The following FAM13A variants were observed in gnomAD, a reference collection of about 807,000 sequenced individuals.
FAM13A encodes the protein family with sequence similarity 13 member A, also known as protein FAM13A.
A neutral mutation model predicts 129.6 loss-of-function variants in FAM13A; 76 were observed. The ratio of observed to expected loss-of-function variants is 0.59; its 90% CI spans 0.49 to 0.71. The LOEUF (loss-of-function observed/expected upper bound fraction) is 0.71, where lower values mean the gene tolerates loss of function less well. FAM13A is among the 30% of genes least tolerant of loss of function. The pLI is 0.00. For synonymous variants in FAM13A, 443 were observed against 449.9 expected (o/e 0.98, Z 0.20); for missense variants, 1,108 against 1,249.3 (o/e 0.89, Z 1.70).
At chr4:89,013,559 T>C (rs1053133903) in intron 3 of FAM13A, among the ~76,000 whole-genome samples, 4 of 152,062 alleles carry the variant, frequency 2.6e-5, no homozygotes, top group African/African-American at 9.7e-5. Context: ...TATGGTCCTA[T>C]AAGATTATAA....
At chr4:88,794,543 G>A (rs1725779618) in intron 8 of FAM13A, among the ~76,000 whole-genome samples, 1 of 151,718 alleles carries the variant, frequency 6.6e-6, no homozygotes, top group African/African-American at 2.4e-5. Context: ...TTAAAAAGAG[G>A]TTTCAAATCT....
At chr4:88,843,690 T>C (rs1055357259) in intron 7 of FAM13A, among the ~76,000 whole-genome samples, 1 of 152,252 alleles carries the variant, frequency 6.6e-6, no homozygotes, top group Non-Finnish European at 1.5e-5. Flanking sequence ...TCTCATGAAA[T>C]GCACTATTGT....
intron 6 of FAM13A, among the ~76,000 whole-genome samples, chr4:88,866,103 A>G (rs1283437209): frequency 6.6e-6 from 1 of 151,040 alleles, no homozygotes; most frequent in African/African-American, 2.4e-5. Flanking sequence ...GCTGGAGTGT[A>G]ATGGCATGAT....
At position 89,024,582 on chromosome 4, in the gene FAM13A, A is replaced by G. The variant is rs115566558; in HGVS notation, c.218-3913T>C. Among the ~76,000 whole-genome samples, 1,028 of 152,310 alleles carry G rather than the reference A, an allele frequency of 6.7e-3. 15 individuals carry two copies. Among genetic ancestry groups the G allele is most frequent in the African/African-American group, 0.024 (977 of 41,568 alleles). On this transcript the variant is annotated intron_variant, in intron 2 of 23. Transcript: ENST00000264344. ...CTATGATTGAATTACATGAATGGTC[A>G]CCCCTATAGTCCCATTTCCATGCCT...
chr4:89,044,152 A>G (rs2149166048), intron 1 of FAM13A, among the ~76,000 whole-genome samples: 1 of 152,236 alleles, frequency 6.6e-6, no homozygotes, highest in East Asian at 1.9e-4. Context: ...ATAGAATCCT[A>G]TAGAATAGGG....
intron 17 of FAM13A, 137 bp downstream of exon 17, chr4:88,748,813 ACT>A (rs1487130626): frequency 2.0e-5 from 14 of 717,754 alleles, no homozygotes; most frequent in Non-Finnish European, 3.3e-5. Context: ...GGAAGTGGTC[ACT>A]CTGAATAGCT....
rs1460004128 is a variant in FAM13A, at chr4:88,991,083, G to T, written c.495C>A (p.Tyr165Ter). The T allele has an allele frequency of 1.2e-6, 2 of 1,613,572 alleles. No homozygotes were observed. Among genetic ancestry groups the T allele is most frequent in the Non-Finnish European group, 1.7e-6 (2 of 1,179,596 alleles). ...ACTGGCAAAGGTACTTGAGGAGGCA[G>T]TAGTGGGTGTCTGGCAGCTCTTTTA... ...DLIKELPDTH[Y>*]CLLKYLCQFL... The change falls in exon 4 of 24, where the codon TAC becomes TAA. Residue 165 changes from tyrosine to a stop codon, truncating the protein, a stop_gained. Transcript: ENST00000264344. LOFTEE classifies it high-confidence loss of function.
At chr4:88,804,252 A>AAAAT (rs1728115546) in intron 8 of FAM13A, among the ~76,000 whole-genome samples, 3 of 152,258 alleles carry the variant, frequency 2.0e-5, no homozygotes, top group East Asian at 1.9e-4. Flanking sequence ...GATTCCGTCA[A>AAAAT]AAATAAATAA....
chr4:88,891,143 C>T (rs2704572), intron 6 of FAM13A, among the ~76,000 whole-genome samples: 25,328 of 152,162 alleles, frequency 0.17, 2,300 homozygotes, highest in Non-Finnish European at 0.2. Context: ...GGGACTTGGG[C>T]CAGGCACGGC....
intron 6 of FAM13A, among the ~76,000 whole-genome samples, chr4:88,871,174 A>T (rs191223672): frequency 1.3e-5 from 2 of 152,320 alleles, no homozygotes; most frequent in East Asian, 3.9e-4. Context: ...GGTAGATAAA[A>T]CCACAAAGAT....
intron 11 of FAM13A, among the ~76,000 whole-genome samples, chr4:88,773,630 T>C (rs997932000): frequency 2.6e-5 from 4 of 152,152 alleles, no homozygotes; most frequent in Non-Finnish European, 5.9e-5. Flanking sequence ...GCTTAGTCCT[T>C]GGACCCTTTC....
intron 7 of FAM13A, among the ~76,000 whole-genome samples, chr4:88,847,124 G>A (rs1736780539): frequency 6.6e-6 from 1 of 152,202 alleles, no homozygotes; most frequent in South Asian, 2.1e-4. Flanking sequence ...GATAGAGACA[G>A]GAAGTTGAAA....
intron 5 of FAM13A, among the ~76,000 whole-genome samples, chr4:88,917,869 A>T (rs1237462670): frequency 6.6e-6 from 1 of 152,316 alleles, no homozygotes. Flanking sequence ...ACAGCTGGAC[A>T]TGTCTTCCAA....
intron 7 of FAM13A, among the ~76,000 whole-genome samples, chr4:88,831,237 G>A (rs77162167): frequency 0.017 from 2,614 of 152,188 alleles, 72 homozygotes; most frequent in African/African-American, 0.058. Context: ...GTGGGAGTCC[G>A]GATAATAGTG....
chr4:88,777,497 C>T (rs1056540456), intron 11 of FAM13A, among the ~76,000 whole-genome samples: 4 of 152,166 alleles, frequency 2.6e-5, no homozygotes, highest in South Asian at 2.1e-4. Flanking sequence ...GGCAATAATT[C>T]GAGATAAGGC....
intron 4 of FAM13A, among the ~76,000 whole-genome samples, chr4:88,943,258 A>C (rs1256248604): frequency 6.6e-6 from 1 of 152,214 alleles, no homozygotes; most frequent in South Asian, 2.1e-4. Context: ...GGGCTCCTTA[A>C]AGTCTCAAAG....
intron 11 of FAM13A, among the ~76,000 whole-genome samples, chr4:88,773,135 A>C (rs1721011365): frequency 6.6e-6 from 1 of 152,202 alleles, no homozygotes; most frequent in Non-Finnish European, 1.5e-5. Context: ...ATCCCCTATC[A>C]CTGACTCAAG....
intron 7 of FAM13A, among the ~76,000 whole-genome samples, chr4:88,845,349 C>G (rs1377139704): frequency 6.6e-6 from 1 of 151,936 alleles, no homozygotes; most frequent in Non-Finnish European, 1.5e-5. Flanking sequence ...TGTCTGGCAG[C>G]CACTGGAGAA....
At chr4:88,930,009 G>T (rs1254250063) in intron 5 of FAM13A, among the ~76,000 whole-genome samples, 1 of 152,000 alleles carries the variant, frequency 6.6e-6, no homozygotes, top group Non-Finnish European at 1.5e-5. Context: ...AAAGTGCTGG[G>T]ATTATACAGG....
Sources: allele counts gnomAD v4.1 joint callset (sites outside exome capture counted in the v4.1 genomes callset), GRCh38; gene constraint gnomAD v4.1.1; transcripts MANE v1.5; gene names NCBI Gene and HGNC (gene_info 2026-07-23, HGNC 2026-07-21).